The following SERBP1 variants were observed in gnomAD, a reference collection of about 807,000 sequenced individuals.
The protein encoded by SERBP1 is SERPINE1 mRNA binding protein 1.
A neutral mutation model predicts 50.2 loss-of-function variants in SERBP1; 6 were observed. The ratio of observed to expected loss-of-function variants is 0.12; its 90% CI spans 0.07 to 0.24. The LOEUF (loss-of-function observed/expected upper bound fraction) is 0.24. Among genes scored for constraint, SERBP1 ranks in the 10% least tolerant of loss-of-function variants. The pLI, the probability that SERBP1 is intolerant of heterozygous loss-of-function variation, is 1.00. For synonymous variants in SERBP1, 168 were observed against 182.8 expected (o/e 0.92, Z 0.65); for missense variants, 346 against 524.9 (o/e 0.66, Z 3.33).
At chr1:67,416,886 T>G (rs990090766) in intron 6 of SERBP1, among the ~76,000 whole-genome samples, 1 of 152,242 alleles carries the variant, frequency 6.6e-6, no homozygotes, top group East Asian at 1.9e-4. Context: ...AAATGTTTGC[T>G]ATTTCAAACC....
intron 5 of SERBP1, among the ~76,000 whole-genome samples, chr1:67,422,293 C>G (rs1368964223): frequency 6.6e-6 from 1 of 152,192 alleles, no homozygotes; most frequent in Middle Eastern, 3.4e-3. Context: ...GAGGGCAGAT[C>G]ACCTGAGGTC....
chr1:67,412,468 T>C lies in SERBP1; in HGVS notation c.*739A>G, dbSNP rs1474800956. 1 of 152,584 alleles carries C rather than the reference T, an allele frequency of 6.6e-6. No individual in the cohort carries two copies. The highest frequency in any genetic ancestry group is 1.5e-5 in the Non-Finnish European group (1 of 68,034). The allele number at this position is 152,584 out of a possible 1,614,324, so 9.5% of individuals were successfully genotyped here. On this transcript the variant is annotated 3_prime_UTR_variant, in exon 8 of 8. Transcript: ENST00000361219. ...ATTTTAAAATGGGAAACTCAAGCAT[T>C]TAAAAAGTAAATATAGCTGAAAATG...
At chr1:67,429,341 T>A (rs1667488804) in intron 1 of SERBP1, 1 of 152,158 alleles carries the variant, frequency 6.6e-6, no homozygotes, top group African/African-American at 2.4e-5. Context: ...ACTCCTCCAT[T>A]TCCCAACGGC....
intron 7 of SERBP1, 121 bp from the exon 8 acceptor site, chr1:67,413,384 C>T: frequency 1.1e-6 from 1 of 886,968 alleles, no homozygotes; most frequent in Non-Finnish European, 1.6e-6. Flanking sequence ...CACAGTGGCT[C>T]ACACCTGTAA....
chr1:67,430,154 A>G lies in SERBP1; in HGVS notation c.147T>C (p.Pro49=). The stretch of plus-strand genomic sequence containing the variant: ...CGGCCTGAGCTGCGCTCTTGGCCCC[A>G]GGGCCCCCAACGCCGCCCCCGCCGG... ...KEAGGGGVGG[P]GAKSAAQAAA... is the part of the protein sequence containing the mutation. The change falls in exon 1 of 8, where the codon CCT becomes CCC. Residue 49 remains proline (P), a synonymous_variant. Transcript: ENST00000361219. The G allele has an allele frequency of 6.2e-7, 1 of 1,611,100 alleles. No homozygotes were observed.
At chr1:67,426,787 C>A (rs1222724226) in intron 1 of SERBP1, among the ~76,000 whole-genome samples, 1 of 151,806 alleles carries the variant, frequency 6.6e-6, no homozygotes, top group Non-Finnish European at 1.5e-5. Context: ...AAGTGAGGGC[C>A]GCACTATGTT....
At position 67,408,883 on chromosome 1, in the gene SERBP1, G is replaced by A. The variant is rs1335694046; in HGVS notation, c.*4324C>T. 1 of 152,126 alleles carries A rather than the reference G, an allele frequency of 6.6e-6. No individual in the cohort carries two copies. Among genetic ancestry groups the A allele is most frequent in the East Asian group, 1.9e-4 (1 of 5,168 alleles). 9.4% of individuals were successfully genotyped at this position (152,126 alleles called of 1,614,324 possible). A position where few individuals can be genotyped will look rare whatever the true frequency, so the allele number is the denominator to read the frequency against. On this transcript the variant is annotated 3_prime_UTR_variant, in exon 8 of 8. Transcript: ENST00000361219. ...GCCCTTACTTTGATTATATAGAGGT[G>A]TAAAGTATGCTTTAAAATTACTTCT...
chr1:67,418,316 TAAA>T (rs1201706153), intron 6 of SERBP1, among the ~76,000 whole-genome samples: 1 of 151,962 alleles, frequency 6.6e-6, no homozygotes, highest in Non-Finnish European at 1.5e-5. Context: ...CTACAGGACT[TAAA>T]AAAGACAATG....
intron 2 of SERBP1, 103 bp from the exon 3 acceptor site, chr1:67,425,326 A>G: frequency 9.1e-7 from 1 of 1,100,832 alleles, no homozygotes; most frequent in Non-Finnish European, 1.3e-6. Context: ...TGGCTCAAAA[A>G]CCAATAGTTA....
At chr1:67,416,011 CTTTTTTTTTT>C (rs376512995) in intron 6 of SERBP1, among the ~76,000 whole-genome samples, 1 of 125,342 alleles carries the variant, frequency 8.0e-6, no homozygotes. Context: ...TCACAGGAAC[CTTTTTTTTTT>C]TTTTTTTTTG....
chr1:67,424,553 CAA>C, intron 4 of SERBP1: 4 of 494,342 alleles, frequency 8.1e-6, no homozygotes, highest in Non-Finnish European at 1.4e-5. Context: ...ACTAGCTTAT[CAA>C]ATTTTGTAAT....
At chr1:67,420,234 C>G in intron 5 of SERBP1, 48 bp from the exon 6 acceptor site, 2 of 1,330,474 alleles carry the variant, frequency 1.5e-6, no homozygotes, top group Non-Finnish European at 2.1e-6. Context: ...GCTGATATTA[C>G]ATAAAAGTAT....
rs981042434 is a variant in SERBP1 at position 67,408,927 on chromosome 1, T to TG, written c.*4279dup. 1 of 152,182 alleles carries TG rather than the reference T, an allele frequency of 6.6e-6. No homozygotes were observed. Among genetic ancestry groups the TG allele is most frequent in the African/African-American group, 2.4e-5 (1 of 41,456 alleles). The allele number at this position is 152,182 out of a possible 1,614,324, so 9.4% of individuals were successfully genotyped here. A position where few individuals can be genotyped will look rare whatever the true frequency, so the allele number is the denominator to read the frequency against. On this transcript the variant is annotated 3_prime_UTR_variant, in exon 8 of 8. Coordinates refer to ENST00000361219, the MANE Select transcript of SERBP1 (RefSeq NM_001018069.2). ...TACTTCTAATTTCACAGCTTCCTGT[T>TG]GGGTAGACCACTTAATTTGTACCTA...
Position 67,429,917 on chromosome 1 carries a change from A to T in SERBP1, c.313+71T>A, listed in dbSNP as rs1271148265. 6 of 1,469,002 alleles carry T rather than the reference A, an allele frequency of 4.1e-6. No homozygotes were observed. In the Admixed American group the frequency reaches 6.9e-5, roughly 17 times the overall value. 91.0% of individuals were successfully genotyped at this position (1,469,002 alleles called of 1,614,324 possible). A position where few individuals can be genotyped will look rare whatever the true frequency, so the allele number is the denominator to read the frequency against. Reference sequence around the variant, plus strand: ...CGCGGACCCTCGGAGCTCCAGAAACAAGTGGCAGCCGGCAGCCCCCTCGCT... The same window carrying T: ...CGCGGACCCTCGGAGCTCCAGAAACTAGTGGCAGCCGGCAGCCCCCTCGCT... On this transcript the variant is annotated intron_variant, in intron 1 of 7. Transcript: ENST00000361219.
At chr1:67,425,058 T>TA in intron 3 of SERBP1, 25 bp downstream of exon 3, 1 of 1,601,182 alleles carries the variant, frequency 6.2e-7, no homozygotes, top group Non-Finnish European at 8.5e-7. Flanking sequence ...AATATTAAAG[T>TA]AAAATAAAAA....
rs1014167988 is a variant in SERBP1 at position 67,408,870 on chromosome 1, A to AT, written c.*4336dup. The AT allele has an allele frequency of 5.3e-5, 8 of 152,118 alleles. No individual in the cohort carries two copies. The highest frequency in any genetic ancestry group is 8.8e-5 in the Non-Finnish European group (6 of 68,004). 9.4% of individuals were successfully genotyped at this position (152,118 alleles called of 1,614,324 possible). On this transcript the variant is annotated 3_prime_UTR_variant, in exon 8 of 8. Coordinates refer to ENST00000361219, the MANE Select transcript of SERBP1 (RefSeq NM_001018069.2). ...CAAGTTTTATCTTGCCCTTACTTTG[A>AT]TTATATAGAGGTGTAAAGTATGCTT...
At chr1:67,424,075 G>A in intron 5 of SERBP1, 125 bp downstream of exon 5, 1 of 926,446 alleles carries the variant, frequency 1.1e-6, no homozygotes, top group Non-Finnish European at 1.6e-6. Context: ...TGAGGGTACA[G>A]TAAGTCTCCC....
chr1:67,418,797 G>T (rs1250343334), intron 6 of SERBP1, among the ~76,000 whole-genome samples: 1 of 152,102 alleles, frequency 6.6e-6, no homozygotes, highest in Non-Finnish European at 1.5e-5. Context: ...CTTATTGAAA[G>T]GGTTTGCCCT....
chr1:67,417,151 G>A (rs1667037611), intron 6 of SERBP1: 1 of 152,196 alleles, frequency 6.6e-6, no homozygotes, highest in African/African-American at 2.4e-5. Flanking sequence ...CTGTGACCAT[G>A]CTACTGCATT....
Sources: gnomAD v4.1 joint callset for allele counts (sites outside exome capture counted in the v4.1 genomes callset) on GRCh38, gnomAD v4.1.1 for gene constraint, MANE v1.5 for transcripts, NCBI Gene and HGNC (gene_info 2026-07-23, HGNC 2026-07-21) for gene names.